MGAT4A: variants seen among roughly 807,000 people sequenced by gnomAD.
The protein encoded by MGAT4A is alpha-1,3-mannosyl-glycoprotein 4-beta-N-acetylglucosaminyltransferase A.
A neutral mutation model predicts 74.1 loss-of-function variants in MGAT4A; 33 were observed. The observed-to-expected ratio is 0.45, with a 90% CI of 0.34 to 0.60. The LOEUF (loss-of-function observed/expected upper bound fraction) is 0.60, where lower values mean the gene tolerates loss of function less well. Among genes scored for constraint, MGAT4A ranks in the 20% least tolerant of loss-of-function variants. The pLI is 0.02. For synonymous variants in MGAT4A, 198 were observed against 210.4 expected, an observed-to-expected ratio of 0.94 and a Z score of 0.51; for missense variants, 479 against 628.3, an observed-to-expected ratio of 0.76 and a Z score of 2.54.
intron 2 of MGAT4A, among the ~76,000 whole-genome samples, chr2:98,692,743 C>A (rs562878536): frequency 7.9e-5 from 12 of 152,142 alleles, no homozygotes; most frequent in Admixed American, 1.3e-4. Flanking sequence ...AGGTTTGTAG[C>A]CTAGGAGCAG....
intron 2 of MGAT4A, among the ~76,000 whole-genome samples, chr2:98,684,603 G>T (rs111703066): frequency 0.011 from 1,701 of 152,232 alleles, 24 homozygotes; most frequent in African/African-American, 0.04. Flanking sequence ...AGGCTAAACC[G>T]TATAAAATTG....
At chr2:98,632,569 A>G (rs1450731057) in intron 14 of MGAT4A, among the ~76,000 whole-genome samples, 1 of 152,166 alleles carries the variant, frequency 6.6e-6, no homozygotes, top group East Asian at 1.9e-4. Flanking sequence ...GAACTTCCCC[A>G]CATTCTGGTT....
intron 14 of MGAT4A, among the ~76,000 whole-genome samples, chr2:98,632,375 G>C (rs1265400436): frequency 6.6e-6 from 1 of 152,170 alleles, no homozygotes; most frequent in Non-Finnish European, 1.5e-5. Context: ...TGAAAGGTGG[G>C]TAAGGGAACT....
intron 8 of MGAT4A, among the ~76,000 whole-genome samples, chr2:98,653,613 G>A (rs562390047): frequency 6.6e-6 from 1 of 152,052 alleles, no homozygotes; most frequent in African/African-American, 2.4e-5. Flanking sequence ...TTTTCCATGG[G>A]TGAATCATGG....
Position 98,624,263 on chromosome 2 carries a change from C to T in MGAT4A, c.*1303G>A, listed in dbSNP as rs562672954. On this transcript the variant is annotated 3_prime_UTR_variant, in exon 16 of 16. Transcript: ENST00000393487. ...TCCTGACCTCGTGATCCGCCCGCCTCGGCCTCCCAAAGTGCTGGGATTACA... is the reference window on the plus strand; with the variant it reads ...TCCTGACCTCGTGATCCGCCCGCCTTGGCCTCCCAAAGTGCTGGGATTACA... The T allele has an allele frequency of 7.7e-4, 592 of 767,452 alleles. 1 individual carries two copies. In the African/African-American group the frequency reaches 9.8e-3, roughly 13 times the overall value. The allele number at this position is 767,452 out of a possible 1,614,324, so 47.5% of individuals were successfully genotyped here. A position where few individuals can be genotyped will look rare whatever the true frequency, so the allele number is the denominator to read the frequency against.
chr2:98,645,899 A>G (rs1378369232), intron 8 of MGAT4A, among the ~76,000 whole-genome samples: 2 of 152,120 alleles, frequency 1.3e-5, no homozygotes, highest in Non-Finnish European at 2.9e-5. Flanking sequence ...GAGGGGGAAA[A>G]AGAGAAGGAG....
At chr2:98,649,720 A>G (rs1284174935) in intron 8 of MGAT4A, among the ~76,000 whole-genome samples, 1 of 152,092 alleles carries the variant, frequency 6.6e-6, no homozygotes, top group African/African-American at 2.4e-5. Context: ...ACCCACAAGC[A>G]GAGAGGACAT....
At chr2:98,657,404 C>T (rs1454603777) in intron 6 of MGAT4A, among the ~76,000 whole-genome samples, 1 of 152,198 alleles carries the variant, frequency 6.6e-6, no homozygotes, top group Non-Finnish European at 1.5e-5. Flanking sequence ...CATTACTGCC[C>T]TGTTCCTTAA....
rs1012517271 is a variant in MGAT4A at position 98,625,355 on chromosome 2, T to C, written c.*211A>G. The C allele has an allele frequency of 9.6e-6, 13 of 1,354,374 alleles. No homozygotes were observed. Among genetic ancestry groups the C allele is most frequent in the Admixed American group, 3.5e-5 (1 of 28,450 alleles). The allele number at this position is 1,354,374 out of a possible 1,614,324, so 83.9% of individuals were successfully genotyped here. ...TTAACAGGCTGTCATAATTGAAAAATGTTTGAGTCAAGTTAAAATCTGAGG... is the reference window on the plus strand; with the variant it reads ...TTAACAGGCTGTCATAATTGAAAAACGTTTGAGTCAAGTTAAAATCTGAGG... On this transcript the variant is annotated 3_prime_UTR_variant, in exon 16 of 16. Coordinates refer to ENST00000393487, the MANE Select transcript of MGAT4A (RefSeq NM_012214.3).
At chr2:98,666,433 C>T (rs1021183362) in intron 4 of MGAT4A, among the ~76,000 whole-genome samples, 4 of 152,192 alleles carry the variant, frequency 2.6e-5, no homozygotes, top group African/African-American at 9.7e-5. Context: ...TGGCTGATGC[C>T]TTTAATCCCA....
chr2:98,686,721 T>C (rs966224151), intron 2 of MGAT4A, among the ~76,000 whole-genome samples: 3 of 152,096 alleles, frequency 2.0e-5, no homozygotes, highest in African/African-American at 7.2e-5. Flanking sequence ...CAAGTTTTTG[T>C]ATTTCAGTAG....
At chr2:98,727,830 A>C (rs777822793) in intron 1 of MGAT4A, among the ~76,000 whole-genome samples, 1 of 152,218 alleles carries the variant, frequency 6.6e-6, no homozygotes, top group African/African-American at 2.4e-5. Context: ...AACTTATGAA[A>C]TGTTTCCTAT....
intron 9 of MGAT4A, 88 bp downstream of exon 9, chr2:98,645,340 A>G: frequency 2.1e-6 from 2 of 958,786 alleles, no homozygotes; most frequent in Non-Finnish European, 3.0e-6. Flanking sequence ...GGAAAAAAAG[A>G]CATCTTTAGG....
chr2:98,656,199 A>C, intron 7 of MGAT4A, 153 bp downstream of exon 7: 1 of 599,932 alleles, frequency 1.7e-6, no homozygotes, highest in Non-Finnish European at 2.9e-6. Flanking sequence ...AAAACTCTAC[A>C]TTATTTCCAA....
chr2:98,661,512 G>A (rs757030940), intron 5 of MGAT4A, among the ~76,000 whole-genome samples: 1 of 152,108 alleles, frequency 6.6e-6, no homozygotes, highest in African/African-American at 2.4e-5. Flanking sequence ...TGCAATAATA[G>A]AGGAAAAACA....
At chr2:98,730,866 C>G (rs1702844108) in intron 1 of MGAT4A, among the ~76,000 whole-genome samples, 182 bp downstream of exon 1, 1 of 147,132 alleles carries the variant, frequency 6.8e-6, no homozygotes, top group Non-Finnish European at 1.5e-5. Flanking sequence ...CAACAGCTCC[C>G]CCGCACAGAG....
intron 2 of MGAT4A, among the ~76,000 whole-genome samples, chr2:98,678,990 A>T (rs1467805181): frequency 1.3e-5 from 2 of 152,200 alleles, no homozygotes; most frequent in Admixed American, 6.5e-5. Flanking sequence ...TCCCTAGGCT[A>T]GACTTTGGTC....
At chr2:98,649,607 A>C (rs916286883) in intron 8 of MGAT4A, among the ~76,000 whole-genome samples, 1 of 152,258 alleles carries the variant, frequency 6.6e-6, no homozygotes, top group South Asian at 2.1e-4. Flanking sequence ...CAGAGACAGA[A>C]ACTAGGTGGA....
intron 2 of MGAT4A, among the ~76,000 whole-genome samples, chr2:98,720,701 A>G (rs1382982669): frequency 6.6e-6 from 1 of 152,154 alleles, no homozygotes; most frequent in African/African-American, 2.4e-5. Flanking sequence ...AGATTTGTAC[A>G]CAATGGAGAA....
Sources: gnomAD v4.1 joint callset for allele counts (sites outside exome capture counted in the v4.1 genomes callset) on GRCh38, gnomAD v4.1.1 for gene constraint, MANE v1.5 for transcripts, NCBI Gene and HGNC (gene_info 2026-07-23, HGNC 2026-07-21) for gene names.